The following TOP6BL variants were observed in gnomAD, a reference collection of about 807,000 sequenced individuals.
TOP6BL encodes TOP6B like initiator of meiotic double strand breaks.
chr11:66,779,362 C>T, the TOP6BL span, among the ~76,000 whole-genome samples: 1 of 152,254 alleles, frequency 6.6e-6, no homozygotes, highest in South Asian at 2.1e-4. Context: ...TATGAACAGA[C>T]ACTTCTCAAA....
chr11:66,837,505 C>T, the TOP6BL span, among the ~76,000 whole-genome samples: 1 of 144,660 alleles, frequency 6.9e-6, no homozygotes, highest in Admixed American at 7.1e-5. Flanking sequence ...AGTGCAATGG[C>T]GTGATCTCAG....
the TOP6BL span, among the ~76,000 whole-genome samples, chr11:66,759,901 T>C: frequency 5.3e-5 from 8 of 152,144 alleles, no homozygotes; most frequent in African/African-American, 1.9e-4. Flanking sequence ...TTTATTTTTT[T>C]GGACTTAAGA....
chr11:66,835,351 TG>T, the TOP6BL span, among the ~76,000 whole-genome samples: 1 of 152,230 alleles, frequency 6.6e-6, no homozygotes, highest in Non-Finnish European at 1.5e-5. Flanking sequence ...GCCCCTCCTA[TG>T]TTCCTTGGAA....
At chr11:66,745,335 G>A in the TOP6BL span, among the ~76,000 whole-genome samples, 3 of 151,580 alleles carry the variant, frequency 2.0e-5, no homozygotes, top group African/African-American at 7.3e-5. Context: ...GGGGCGCCAG[G>A]ACAGAGGCAA....
chr11:66,796,236 T>G, the TOP6BL span: 2,054 of 1,337,870 alleles, frequency 1.5e-3, no homozygotes, highest in Non-Finnish European at 2.0e-3. Context: ...TTTGTGCTCT[T>G]GAGATTGTGT....
the TOP6BL span, among the ~76,000 whole-genome samples, chr11:66,811,420 G>A: frequency 1.3e-5 from 2 of 152,188 alleles, no homozygotes; most frequent in African/African-American, 4.8e-5. Flanking sequence ...TCGAACTCCT[G>A]ACCTCAAGTG....
At chr11:66,803,447 G>A in the TOP6BL span, among the ~76,000 whole-genome samples, 1 of 152,040 alleles carries the variant, frequency 6.6e-6, no homozygotes, top group Non-Finnish European at 1.5e-5. Context: ...ATTATTTTTC[G>A]AGACAAAGTC....
At chr11:66,838,787 A>G in the TOP6BL span, among the ~76,000 whole-genome samples, 6 of 152,128 alleles carry the variant, frequency 3.9e-5, no homozygotes, top group Non-Finnish European at 7.4e-5. Flanking sequence ...GCTGGAGTGC[A>G]GTGGCGCCAT....
At chr11:66,779,154 T>A in the TOP6BL span, among the ~76,000 whole-genome samples, 6 of 152,054 alleles carry the variant, frequency 3.9e-5, no homozygotes, top group African/African-American at 1.4e-4. Context: ...AAAGCCAAAA[T>A]TGACAAATGG....
chr11:66,762,575 A>G, the TOP6BL span: 92 of 178,024 alleles, frequency 5.2e-4, no homozygotes, highest in Non-Finnish European at 8.8e-4. Flanking sequence ...GGTTCAAGCG[A>G]TTCTCCGGCC....
chr11:66,749,009 C>G, the TOP6BL span, among the ~76,000 whole-genome samples: 4 of 151,960 alleles, frequency 2.6e-5, no homozygotes, highest in South Asian at 4.2e-4. Context: ...GTGAGTGGCT[C>G]TGAAGCATGA....
chr11:66,823,262 C>G, the TOP6BL span, among the ~76,000 whole-genome samples: 3 of 147,766 alleles, frequency 2.0e-5, no homozygotes, highest in Non-Finnish European at 4.5e-5. Flanking sequence ...CCATTGTACT[C>G]CAGCCCAGGT....
chr11:66,768,498 G>A, the TOP6BL span, among the ~76,000 whole-genome samples: 1 of 152,026 alleles, frequency 6.6e-6, no homozygotes, highest in Non-Finnish European at 1.5e-5. Context: ...GGAAACATTT[G>A]TAGACTCATA....
At chr11:66,776,956 G>A in the TOP6BL span, among the ~76,000 whole-genome samples, 1 of 152,058 alleles carries the variant, frequency 6.6e-6, no homozygotes, top group Admixed American at 6.6e-5. Flanking sequence ...GGGAGCCTGG[G>A]ACAGAAGGAT....
chr11:66,771,090 T>TAAATATA, the TOP6BL span, among the ~76,000 whole-genome samples: 1 of 152,132 alleles, frequency 6.6e-6, no homozygotes, highest in Non-Finnish European at 1.5e-5. Flanking sequence ...TACCTGACAC[T>TAAATATA]CAATAAATGT....
the TOP6BL span, among the ~76,000 whole-genome samples, chr11:66,752,350 A>G: frequency 1.3e-5 from 2 of 152,150 alleles, no homozygotes; most frequent in Non-Finnish European, 2.9e-5. Context: ...ACATTGCAGC[A>G]TTATTTTCTA....
chr11:66,809,216 A>G, the TOP6BL span, among the ~76,000 whole-genome samples: 1 of 152,240 alleles, frequency 6.6e-6, no homozygotes, highest in Non-Finnish European at 1.5e-5. Flanking sequence ...AAAGATTTCT[A>G]CACCTAAAGA....
the TOP6BL span, chr11:66,803,863 T>G: frequency 3.2e-6 from 2 of 619,864 alleles, no homozygotes. Context: ...AGTTATTTAT[T>G]CCAACAAAAC....
the TOP6BL span, among the ~76,000 whole-genome samples, chr11:66,754,094 T>C: frequency 5.3e-4 from 80 of 152,282 alleles, no homozygotes; most frequent in African/African-American, 1.8e-3. Flanking sequence ...AGAAGGAGAA[T>C]GGGGTATTTG....
Sources: gnomAD v4.1 joint callset for allele counts (sites outside exome capture counted in the v4.1 genomes callset) on GRCh38, gnomAD v4.1.1 for gene constraint, MANE v1.5 for transcripts, NCBI Gene and HGNC (gene_info 2026-07-23, HGNC 2026-07-21) for gene names.